The following TRIO variants were observed in gnomAD, a reference collection of about 807,000 sequenced individuals.
TRIO encodes the protein triple functional domain protein.
A neutral mutation model predicts 351.9 loss-of-function variants in TRIO; 58 were observed. The observed-to-expected ratio is 0.16, with a 90% CI of 0.13 to 0.21. The LOEUF is 0.21. TRIO is among the 10% of genes least tolerant of loss of function. The pLI is 1.00. For synonymous variants in TRIO, 1,758 were observed against 1,595.7 expected (o/e 1.10, Z -2.42); for missense variants, 3,201 against 4,027.8 (o/e 0.79, Z 5.56).
intron 7 of TRIO, among the ~76,000 whole-genome samples, chr5:14,301,777 G>A (rs2152293974): frequency 6.6e-6 from 1 of 152,300 alleles, no homozygotes; most frequent in Admixed American, 6.5e-5. Context: ...TCTCGGAACG[G>A]GGATTGCTGT....
chr5:14,206,586 G>T (rs983308967), intron 1 of TRIO, among the ~76,000 whole-genome samples: 3 of 152,188 alleles, frequency 2.0e-5, no homozygotes, highest in Non-Finnish European at 4.4e-5. Context: ...CTGCCCTTCT[G>T]TTCTGGCATG....
intron 1 of TRIO, among the ~76,000 whole-genome samples, chr5:14,146,534 T>TGAAA (rs1787533976): frequency 6.6e-6 from 1 of 152,198 alleles, no homozygotes; most frequent in African/African-American, 2.4e-5. Context: ...AGTGGTTGGA[T>TGAAA]GAAAGAAAGA....
intron 1 of TRIO, among the ~76,000 whole-genome samples, chr5:14,183,514 T>TA (rs1490723628): frequency 2.0e-5 from 3 of 152,192 alleles, no homozygotes; most frequent in Non-Finnish European, 4.4e-5. Context: ...AATAAAGTAT[T>TA]ACTTTCTTTG....
chr5:14,358,587 T>C (rs981239320), intron 12 of TRIO, among the ~76,000 whole-genome samples: 2 of 152,206 alleles, frequency 1.3e-5, no homozygotes, highest in African/African-American at 2.4e-5. Context: ...CATCGACTAA[T>C]AAACCACATA....
At chr5:14,220,664 G>C (rs1792559330) in intron 1 of TRIO, among the ~76,000 whole-genome samples, 1 of 152,142 alleles carries the variant, frequency 6.6e-6, no homozygotes, top group Non-Finnish European at 1.5e-5. Flanking sequence ...AAGTTTTAGT[G>C]GTCTGGATAG....
intron 1 of TRIO, among the ~76,000 whole-genome samples, chr5:14,178,853 G>T (rs1466542664): frequency 6.6e-6 from 1 of 152,164 alleles, no homozygotes; most frequent in Non-Finnish European, 1.5e-5. Flanking sequence ...TGGTCTGTTT[G>T]AAAACAGACC....
At chr5:14,500,760 C>T (rs967208329) in intron 53 of TRIO, among the ~76,000 whole-genome samples, 2 of 151,840 alleles carry the variant, frequency 1.3e-5, no homozygotes, top group African/African-American at 4.8e-5. Flanking sequence ...TGGTGGTGTG[C>T]GCGTGTGGTC....
In TRIO at chr5:14,497,077, G is replaced by C. The variant is rs1469697333; in HGVS notation, c.8019+60G>C. On this transcript the variant is annotated intron_variant, in intron 50 of 56. Transcript: ENST00000344204. The surrounding 1 kb of genome is among the most constrained non-coding windows in gnomAD (Gnocchi z 4.4). ...CCAGCATGAGAGAAAGGATCAGGGA[G>C]GGCAGAGACTCTGCAGACCTGAAGC... The C allele has an allele frequency of 4.4e-6, 7 of 1,594,332 alleles. No homozygotes were observed. The highest frequency in any genetic ancestry group is 3.4e-6 in the Non-Finnish European group (4 of 1,169,426).
chr5:14,220,937 GA>G (rs1479443748), intron 1 of TRIO, among the ~76,000 whole-genome samples: 1 of 152,202 alleles, frequency 6.6e-6, no homozygotes, highest in Non-Finnish European at 1.5e-5. Context: ...CCTTCTATTG[GA>G]AGAAGATGCC....
chr5:14,498,938 G>C, intron 53 of TRIO: 1 of 312,230 alleles, frequency 3.2e-6, no homozygotes. Flanking sequence ...GGGCACCAGG[G>C]CCCCCCACGA....
chr5:14,450,562 A>AT (rs200110735), intron 34 of TRIO, among the ~76,000 whole-genome samples: 2,796 of 152,254 alleles, frequency 0.018, 25 homozygotes, highest in Non-Finnish European at 0.029. Flanking sequence ...AACCTGGGGA[A>AT]TTTAACTTTC....
At chr5:14,240,025 G>A (rs898943778) in intron 1 of TRIO, among the ~76,000 whole-genome samples, 1 of 152,208 alleles carries the variant, frequency 6.6e-6, no homozygotes, top group African/African-American at 2.4e-5. Context: ...AGGTTTCCCT[G>A]TCTCTTCAGC....
rs530313397 is a variant in TRIO at position 14,392,867 on chromosome 5, A to G, written c.4219-1171A>G. 1.7e-3 allele frequency among the ~76,000 whole-genome samples: 262 copies of G among 150,864 alleles called. 1 individual carries two copies. The highest frequency in any genetic ancestry group is 5.9e-3 in the African/African-American group (241 of 40,796). ...CGACACCATCCTGGCTAACATGGTG[A>G]AACCCCGTCACTACTAAAAATACAA... On this transcript the variant is annotated intron_variant, in intron 27 of 56. Coordinates refer to ENST00000344204, the MANE Select transcript of TRIO (RefSeq NM_007118.4).
intron 1 of TRIO, among the ~76,000 whole-genome samples, chr5:14,254,559 G>T (rs1163240765): frequency 6.6e-6 from 1 of 152,190 alleles, no homozygotes; most frequent in Non-Finnish European, 1.5e-5. Context: ...GAAGTGGGGA[G>T]CCCTGTGGAT....
At chr5:14,175,808 G>A (rs1399696412) in intron 1 of TRIO, among the ~76,000 whole-genome samples, 5 of 152,238 alleles carry the variant, frequency 3.3e-5, no homozygotes, top group African/African-American at 1.2e-4. Flanking sequence ...TGCGAGTCAT[G>A]AAAATAGACG....
At chr5:14,488,358 G>T (rs768864502) in intron 48 of TRIO, 98 bp downstream of exon 48, 2 of 1,462,058 alleles carry the variant, frequency 1.4e-6, no homozygotes, top group African/African-American at 2.8e-5. Context: ...CGGCTGCCCA[G>T]CGCTCTCCGC....
chr5:14,177,086 C>T (rs1420904910), intron 1 of TRIO, among the ~76,000 whole-genome samples: 2 of 152,150 alleles, frequency 1.3e-5, no homozygotes, highest in South Asian at 2.1e-4. Context: ...GGACTCTGCC[C>T]TGAGGTTTGA....
chr5:14,380,617 G>GTT (rs35491830), intron 20 of TRIO, among the ~76,000 whole-genome samples: 14 of 151,782 alleles, frequency 9.2e-5, no homozygotes, highest in Admixed American at 2.6e-4. Flanking sequence ...ACTATTTTTT[G>GTT]TTTTTTTTGT....
intron 11 of TRIO, among the ~76,000 whole-genome samples, chr5:14,345,251 A>T (rs1343437658): frequency 6.6e-6 from 1 of 152,240 alleles, no homozygotes; most frequent in Non-Finnish European, 1.5e-5. Flanking sequence ...TGCAGTGCTG[A>T]TATACCTGAC....
Sources: allele counts gnomAD v4.1 joint callset (sites outside exome capture counted in the v4.1 genomes callset), GRCh38; gene constraint gnomAD v4.1.1; non-coding constraint Gnocchi (gnomAD v3.1); transcripts MANE v1.5; gene names NCBI Gene and HGNC (gene_info 2026-07-23, HGNC 2026-07-21).